KALRN: variants seen among roughly 807,000 people sequenced by gnomAD.
KALRN encodes the protein kalirin RhoGEF kinase.
A neutral mutation model predicts 353.7 loss-of-function variants in KALRN; 70 were observed. That is an observed-to-expected ratio of 0.20 (90% CI 0.16 to 0.24). The LOEUF is 0.24. KALRN is among the 10% of genes least tolerant of loss of function. The pLI, the probability that KALRN is intolerant of heterozygous loss-of-function variation, is 1.00. For missense variants in KALRN, 2,791 were observed against 3,756.7 expected, an observed-to-expected ratio of 0.74 and a Z score of 6.72; for synonymous variants, 1,391 against 1,434.8, an observed-to-expected ratio of 0.97 and a Z score of 0.69.
At chr3:124,605,592 G>GAGAGAA (rs2077261958) in intron 34 of KALRN, among the ~76,000 whole-genome samples, 1 of 141,926 alleles carries the variant, frequency 7.0e-6, no homozygotes, top group Non-Finnish European at 1.5e-5. Context: ...AAAAAAGAGA[G>GAGAGAA]AGAGAGAATA....
At chr3:124,056,887 T>C (rs1202058306) in intron 1 of KALRN, among the ~76,000 whole-genome samples, 1 of 152,260 alleles carries the variant, frequency 6.6e-6, no homozygotes, top group Non-Finnish European at 1.5e-5. Context: ...CTATAATCTA[T>C]GTGTAACAAC....
chr3:124,414,494 A>G (rs1173763575), intron 14 of KALRN, among the ~76,000 whole-genome samples: 1 of 152,218 alleles, frequency 6.6e-6, no homozygotes, highest in Non-Finnish European at 1.5e-5. Flanking sequence ...ACAAGATCAT[A>G]TAATTTTATA....
intron 51 of KALRN, among the ~76,000 whole-genome samples, chr3:124,682,434 C>G (rs185689630): frequency 2.6e-5 from 4 of 152,348 alleles, no homozygotes; most frequent in Admixed American, 1.3e-4. Context: ...ACCATGCACC[C>G]TGTGTGTTCA....
At chr3:124,574,171 C>A (rs1056746275) in intron 34 of KALRN, among the ~76,000 whole-genome samples, 1 of 152,202 alleles carries the variant, frequency 6.6e-6, no homozygotes, top group African/African-American at 2.4e-5. Context: ...CTATTTAGGA[C>A]ATGAAAGGGC....
At position 124,657,432 on chromosome 3, in the gene KALRN, G is replaced by A; in HGVS notation, c.5863-16G>A. The A allele has an allele frequency of 3.2e-6, 5 of 1,582,330 alleles. No individual in the cohort carries two copies. Among genetic ancestry groups the A allele is most frequent in the Non-Finnish European group, 4.3e-6 (5 of 1,151,036 alleles). Reference sequence around the variant, plus strand: ...CTGTGAAAATATGCTACTAACCATTGCCTTTGCTGCTGCAGGGCTTCATGA... The same window carrying A: ...CTGTGAAAATATGCTACTAACCATTACCTTTGCTGCTGCAGGGCTTCATGA... On this transcript the variant is annotated splice_polypyrimidine_tract_variant and intron_variant, in intron 39 of 59. Transcript: ENST00000682506.
chr3:124,279,723 A>T (rs909655633), intron 5 of KALRN, among the ~76,000 whole-genome samples: 8 of 152,370 alleles, frequency 5.3e-5, no homozygotes, highest in African/African-American at 1.9e-4. Flanking sequence ...TGTGCCGAGT[A>T]CTGTGCCAGG....
chr3:124,152,748 T>G (rs888501368), intron 1 of KALRN, among the ~76,000 whole-genome samples: 2 of 151,772 alleles, frequency 1.3e-5, no homozygotes, highest in Non-Finnish European at 2.9e-5. Flanking sequence ...CTCCTGCTAC[T>G]GTGGCTGGCT....
intron 10 of KALRN, among the ~76,000 whole-genome samples, chr3:124,367,816 T>G (rs1157489037): frequency 8.7e-3 from 27 of 3,092 alleles, no homozygotes; most frequent in Admixed American, 0.018. Context: ...CGGGTGGGGG[T>G]CTGACCCCCC....
chr3:124,725,680 C>G lies in KALRN; in HGVS notation c.*6210C>G, dbSNP rs2063410208. The G allele has an allele frequency of 6.6e-6, 1 of 152,198 alleles. No homozygotes were observed. The highest frequency in any genetic ancestry group is 2.4e-5 in the African/African-American group (1 of 41,448). The allele number at this position is 152,198 out of a possible 1,614,324, so 9.4% of individuals were successfully genotyped here. ...GTCTTTTGACATCCACAAAGCCAAACTAACAAAGTGTGAAACATAAAGGGG... is the reference window on the plus strand; with the variant it reads ...GTCTTTTGACATCCACAAAGCCAAAGTAACAAAGTGTGAAACATAAAGGGG... On this transcript the variant is annotated 3_prime_UTR_variant, in exon 60 of 60. Coordinates refer to ENST00000682506, the MANE Select transcript of KALRN (RefSeq NM_001388419.1).
intron 14 of KALRN, among the ~76,000 whole-genome samples, chr3:124,417,134 T>C (rs1331672149): frequency 2.0e-5 from 3 of 152,210 alleles, no homozygotes; most frequent in African/African-American, 7.2e-5. Context: ...AATGGAATCA[T>C]CTATTTGAGC....
At chr3:124,528,911 A>T (rs2109112937) in intron 33 of KALRN, among the ~76,000 whole-genome samples, 1 of 152,326 alleles carries the variant, frequency 6.6e-6, no homozygotes, top group East Asian at 1.9e-4. Context: ...ACTTGTGCTC[A>T]GCAGGGGGGG....
rs944862427 is a variant in KALRN at position 124,633,837 on chromosome 3, C to T, written c.5467-15C>T. The T allele has an allele frequency of 2.5e-6, 4 of 1,611,228 alleles. No homozygotes were observed. Among genetic ancestry groups the T allele is most frequent in the African/African-American group, 2.7e-5 (2 of 74,824 alleles). ...TTGTGACACAGTAACTAATGCTGCT[C>T]TTTTGTTCTAGAAGAGCAAGAAAGG... On this transcript the variant is annotated splice_polypyrimidine_tract_variant and intron_variant, in intron 35 of 59. Coordinates refer to ENST00000682506, the MANE Select transcript of KALRN (RefSeq NM_001388419.1).
intron 26 of KALRN, among the ~76,000 whole-genome samples, chr3:124,476,769 C>T (rs987870030): frequency 8.5e-5 from 13 of 152,166 alleles, no homozygotes; most frequent in African/African-American, 3.1e-4. Flanking sequence ...TAGTCCCTTG[C>T]CATGCCCCTC....
intron 13 of KALRN, among the ~76,000 whole-genome samples, chr3:124,400,759 C>T (rs1330019224): frequency 6.6e-6 from 1 of 152,100 alleles, no homozygotes; most frequent in Non-Finnish European, 1.5e-5. Flanking sequence ...CCAAGGCATT[C>T]CTGCAATCAT....
intron 10 of KALRN, among the ~76,000 whole-genome samples, chr3:124,383,901 C>T (rs1424622771): frequency 6.6e-6 from 1 of 152,142 alleles, no homozygotes; most frequent in Non-Finnish European, 1.5e-5. Context: ...GTGTTTGATA[C>T]TGACTGCTCT....
intron 34 of KALRN, among the ~76,000 whole-genome samples, chr3:124,623,991 C>G (rs184359805): frequency 4.9e-4 from 74 of 152,284 alleles, no homozygotes; most frequent in African/African-American, 1.7e-3. Context: ...GTTTCACTTT[C>G]CACAGTTTCA....
intron 32 of KALRN, among the ~76,000 whole-genome samples, chr3:124,495,943 A>C (rs2108525983): frequency 1.0e-5 from 1 of 95,940 alleles, no homozygotes; most frequent in South Asian, 3.8e-4. Context: ...ACCCGTTCCC[A>C]AGTGTGTGTA....
At chr3:124,506,224 A>T (rs2108748794) in intron 33 of KALRN, among the ~76,000 whole-genome samples, 1 of 152,282 alleles carries the variant, frequency 6.6e-6, no homozygotes, top group South Asian at 2.1e-4. Context: ...AAACTGCTAA[A>T]AGAAGATGCA....
At chr3:124,194,033 A>G (rs1042833260) in intron 1 of KALRN, among the ~76,000 whole-genome samples, 1 of 152,190 alleles carries the variant, frequency 6.6e-6, no homozygotes, top group Admixed American at 6.5e-5. Context: ...TAGTTGCTCA[A>G]CAGATATTCA....
Sources: allele counts gnomAD v4.1 joint callset (sites outside exome capture counted in the v4.1 genomes callset), GRCh38; gene constraint gnomAD v4.1.1; transcripts MANE v1.5; gene names NCBI Gene and HGNC (gene_info 2026-07-23, HGNC 2026-07-21).